Variants in ADAM28 observed in about 807,000 individuals in gnomAD.
ADAM28 encodes ADAM metallopeptidase domain 28.
In ADAM28, 105 loss-of-function variants were observed where a neutral mutation model predicts 101.2. That is an observed-to-expected ratio of 1.04 (90% CI 0.89 to 1.22). The LOEUF is 1.22. ADAM28 is among the 50% of genes most tolerant of loss of function. The probability of loss-of-function intolerance (pLI) is 0.00; values close to 1 mark genes in which losing one functional copy is unlikely to be tolerated. For synonymous variants in ADAM28, 322 were observed against 310.6 expected (o/e 1.04, Z -0.39); for missense variants, 1,028 against 945.4 (o/e 1.09, Z -1.15).
intron 4 of ADAM28, among the ~76,000 whole-genome samples, chr8:24,310,739 C>T (rs1810344229): frequency 6.6e-6 from 1 of 152,116 alleles, no homozygotes; most frequent in African/African-American, 2.4e-5. Context: ...GCTCCATTTT[C>T]CATGGGAAGC....
chr8:24,335,623 A>C lies in ADAM28; in HGVS notation c.1549A>C (p.Thr517Pro). ...GTCPTLQEQCTELWGPGTEVA... is the reference protein window; with the variant it reads ...GTCPTLQEQCPELWGPGTEVA... ...ATGCCCCACACTGCAGGAGCAGTGC[A>C]CAGAGCTGTGGGGACCAGGTAGGAG... is the stretch of plus-strand genomic sequence containing the variant. Residue 517 changes from threonine to proline, a missense_variant, in exon 14 of 23, where the codon ACA (threonine) becomes CCA (proline). Thr to Pro is a conservative substitution (Grantham distance 38). Transcript: ENST00000265769. 1 of 1,611,118 alleles carries C rather than the reference A, an allele frequency of 6.2e-7. No homozygotes were observed. Among genetic ancestry groups the C allele is most frequent in the Non-Finnish European group, 8.5e-7 (1 of 1,178,590 alleles).
At chr8:24,298,385 G>A (rs527263581) in intron 1 of ADAM28, among the ~76,000 whole-genome samples, 20 of 152,176 alleles carry the variant, frequency 1.3e-4, no homozygotes, top group African/African-American at 3.1e-4. Flanking sequence ...CTCTTGAGTC[G>A]TTAAATGAAT....
chr8:24,301,033 T>C (rs569880925), intron 2 of ADAM28: 30 of 152,296 alleles, frequency 2.0e-4, no homozygotes, highest in African/African-American at 5.5e-4. Flanking sequence ...TATAACAATG[T>C]TATAATTACC....
At chr8:24,321,392 T>A in intron 8 of ADAM28, 103 bp downstream of exon 8, 1 of 958,250 alleles carries the variant, frequency 1.0e-6, no homozygotes, top group East Asian at 2.4e-5. Flanking sequence ...GTCAAGACAT[T>A]TGAGACCAAT....
chr8:24,317,205 T>C (rs1381429621), intron 6 of ADAM28, among the ~76,000 whole-genome samples: 3 of 151,802 alleles, frequency 2.0e-5, no homozygotes, highest in African/African-American at 7.3e-5. Context: ...ATCATAAAAT[T>C]TGTATGGAAC....
chr8:24,347,683 T>C (rs1190076677), intron 18 of ADAM28, among the ~76,000 whole-genome samples: 3 of 152,130 alleles, frequency 2.0e-5, no homozygotes, highest in Non-Finnish European at 4.4e-5. Context: ...TTTTATACTT[T>C]GAGAGCGTAT....
chr8:24,322,968 A>AT (rs1173660080), intron 8 of ADAM28, among the ~76,000 whole-genome samples: 1 of 151,834 alleles, frequency 6.6e-6, no homozygotes, highest in East Asian at 1.9e-4. Context: ...TGCATTGTGG[A>AT]TTATTTGGTT....
At position 24,356,461 on chromosome 8, in the gene ADAM28, T is replaced by C. The variant is rs2129349091; in HGVS notation, c.*2057T>C. The C allele has an allele frequency of 1.3e-5, 2 of 152,274 alleles. No individual in the cohort carries two copies. The highest frequency in any genetic ancestry group is 4.1e-4 in the South Asian group (2 of 4,828). The allele number at this position is 152,274 out of a possible 1,614,324, so 9.4% of individuals were successfully genotyped here. A position where few individuals can be genotyped will look rare whatever the true frequency, so the allele number is the denominator to read the frequency against. ...AACATGCCTGCAAGTTCCTAAATGA[T>C]GTCACTAGGTCCCTGATGCAGATGC... On this transcript the variant is annotated 3_prime_UTR_variant, in exon 23 of 23. Transcript: ENST00000265769.
intron 20 of ADAM28, 82 bp downstream of exon 20, chr8:24,351,392 C>T (rs1278463666): frequency 7.3e-7 from 1 of 1,367,216 alleles, no homozygotes; most frequent in East Asian, 2.3e-5. Context: ...ACCTATCTAT[C>T]ATTTCTACCC....
chr8:24,334,447 A>G (rs77949739), intron 13 of ADAM28, among the ~76,000 whole-genome samples: 2,163 of 152,304 alleles, frequency 0.014, 54 homozygotes, highest in African/African-American at 0.049. Flanking sequence ...AATTTGCATT[A>G]AAGGTGTCAG....
rs1335217916 is a variant in ADAM28 at position 24,331,160 on chromosome 8, C to G, written c.1114C>G (p.Pro372Ala). 6 of 1,610,754 alleles carry G rather than the reference C, an allele frequency of 3.7e-6. No individual in the cohort carries two copies. The highest frequency in any genetic ancestry group is 5.1e-6 in the Non-Finnish European group (6 of 1,178,498). ...TCCTTATCTTCACAGCTTCTATATA[C>G]CCACAGACTTCAGTTCCTGCAGCCG... ...VMDKALSFYI[P>A]TDFSSCSRLS... is the part of the protein sequence containing the mutation. The change falls in exon 12 of 23, where the codon CCC (proline) becomes GCC (alanine). Residue 372 changes from proline to alanine, a missense_variant. Transcript: ENST00000265769.
intron 15 of ADAM28, 123 bp downstream of exon 15, chr8:24,339,691 C>A: frequency 1.2e-6 from 1 of 819,220 alleles, no homozygotes; most frequent in Non-Finnish European, 1.9e-6. Flanking sequence ...ATTTGACAAA[C>A]ATTTATTGAG....
intron 2 of ADAM28, among the ~76,000 whole-genome samples, chr8:24,305,285 A>G (rs918391176): frequency 6.6e-6 from 1 of 151,984 alleles, no homozygotes; most frequent in African/African-American, 2.4e-5. Flanking sequence ...CACAGTCAGT[A>G]TTATAAAGTT....
intron 19 of ADAM28, 48 bp from the exon 20 acceptor site, chr8:24,351,184 C>T: frequency 7.1e-7 from 1 of 1,406,404 alleles, no homozygotes; most frequent in East Asian, 2.5e-5. Flanking sequence ...CCCTGTCATG[C>T]TGAAGGAGCT....
chr8:24,343,911 C>G lies in ADAM28; in HGVS notation c.1990+327C>G, dbSNP rs80303493. 6.5e-3 allele frequency among the ~76,000 whole-genome samples: 980 copies of G among 150,678 alleles called. 14 individuals carry two copies. The highest frequency in any genetic ancestry group is 0.023 in the African/African-American group (939 of 40,886). ...GGAAAAATGTAATATCCTCAAAACTCTCTAAGAATATGACCTATTATTTTG... is the reference window on the plus strand; with the variant it reads ...GGAAAAATGTAATATCCTCAAAACTGTCTAAGAATATGACCTATTATTTTG... On this transcript the variant is annotated intron_variant, in intron 18 of 22. Transcript: ENST00000265769.
chr8:24,332,666 A>G lies in ADAM28; in HGVS notation c.1288A>G (p.Thr430Ala), dbSNP rs762484740. The G allele has an allele frequency of 6.0e-6, 9 of 1,503,144 alleles. No individual in the cohort carries two copies. The highest frequency in any genetic ancestry group is 4.1e-5 in the African/African-American group (3 of 72,438). 93.1% of individuals were successfully genotyped at this position (1,503,144 alleles called of 1,614,324 possible). ...TGTTTCTCATATTTCTTAGGAATGTACCAATATTTGCTGTGATGCTAAGAC... is the reference window on the plus strand; with the variant it reads ...TGTTTCTCATATTTCTTAGGAATGTGCCAATATTTGCTGTGATGCTAAGAC... ...DCDCGTSEEC[T>A]NICCDAKTCK... Residue 430 changes from threonine (T) to alanine (A), a missense_variant, in exon 13 of 23, where the codon ACC (threonine) becomes GCC (alanine). By Grantham distance (58) the Thr-to-Ala change is moderately conservative. Coordinates refer to ENST00000265769, the MANE Select transcript of ADAM28 (RefSeq NM_014265.6).
At chr8:24,344,858 A>T (rs1450513685) in intron 18 of ADAM28, among the ~76,000 whole-genome samples, 2 of 152,102 alleles carry the variant, frequency 1.3e-5, no homozygotes. Context: ...GCATCCACAT[A>T]AAACTTTCTA....
Position 24,323,926 on chromosome 8 carries a change from C to T in ADAM28, c.813C>T (p.Phe271=), listed in dbSNP as rs141430545. ...DKIKITPNAS[F]TLENFSKWRG... ...TAAAGATAACCCCAAATGCAAGCTT[C>T]ACCTTGGAGAATTTTTCTAAATGGA... The change falls in exon 9 of 23, where the codon TTC becomes TTT. Residue 271 remains phenylalanine, a synonymous_variant. Coordinates refer to ENST00000265769, the MANE Select transcript of ADAM28 (RefSeq NM_014265.6). 1.2e-3 allele frequency: 1,951 copies of T among 1,612,280 alleles called. 5 individuals are homozygous for T. The highest frequency in any genetic ancestry group is 1.4e-3 in the Non-Finnish European group (1,625 of 1,178,850).
intron 2 of ADAM28, chr8:24,301,009 A>G (rs920578057): frequency 1.3e-5 from 2 of 152,216 alleles, no homozygotes; most frequent in Non-Finnish European, 2.9e-5. Context: ...CTAAAACATG[A>G]TGATTCATTC....
Sources: allele counts gnomAD v4.1 joint callset (sites outside exome capture counted in the v4.1 genomes callset), GRCh38; gene constraint gnomAD v4.1.1; transcripts MANE v1.5; gene names NCBI Gene and HGNC (gene_info 2026-07-23, HGNC 2026-07-21).